Variants in ANK2 observed in about 807,000 individuals in gnomAD.
ANK2 encodes ankyrin 2.
A neutral mutation model predicts 360.5 loss-of-function variants in ANK2; 83 were observed. That is an observed-to-expected ratio of 0.23 (90% CI 0.19 to 0.28). The LOEUF (loss-of-function observed/expected upper bound fraction) is 0.28. Ranked by LOEUF, ANK2 falls within the 10% of genes least tolerant of loss-of-function variation. The pLI is 1.00. For synonymous variants in ANK2, 1,740 were observed against 1,759.5 expected, an observed-to-expected ratio of 0.99 and a Z score of 0.28; for missense variants, 4,201 against 4,795.7, an observed-to-expected ratio of 0.88 and a Z score of 3.66.
chr4:113,290,384 A>G (rs560784234), intron 20 of ANK2, among the ~76,000 whole-genome samples: 23 of 152,146 alleles, frequency 1.5e-4, no homozygotes, highest in Non-Finnish European at 3.1e-4. Context: ...TCATTGCTTT[A>G]AAAATGTAAA....
rs201524019 is a variant in ANK2, at chr4:113,059,126, A to G, written c.84+9314A>G. Among the ~76,000 whole-genome samples the G allele has an allele frequency of 7.9e-5, 12 of 152,240 alleles. No individual in the cohort carries two copies. In the East Asian group the frequency reaches 2.3e-3, roughly 29 times the overall value. Reference sequence around the variant, plus strand: ...TGCCCTCATTGCCAAATCACCTTCCAAAGGCCTCAGCTCCTAAAGCCATTG... The same window carrying G: ...TGCCCTCATTGCCAAATCACCTTCCGAAGGCCTCAGCTCCTAAAGCCATTG... On this transcript the variant is annotated intron_variant, in intron 1 of 45. Transcript: ENST00000357077.
chr4:112,999,349 A>G (rs2049773143), intron 2 of ANK2, among the ~76,000 whole-genome samples: 1 of 152,150 alleles, frequency 6.6e-6, no homozygotes, highest in African/African-American at 2.4e-5. Flanking sequence ...TCTCACAATC[A>G]TTCTGCAGAG....
chr4:112,826,835 T>C, intron 1 of ANK2: 1 of 1,293,956 alleles, frequency 7.7e-7, no homozygotes, highest in South Asian at 1.2e-5. Context: ...TAAAAGAGAA[T>C]GGAACAATAT....
intron 1 of ANK2, among the ~76,000 whole-genome samples, chr4:113,138,998 T>G (rs2096543128): frequency 6.6e-6 from 1 of 152,216 alleles, no homozygotes; most frequent in Non-Finnish European, 1.5e-5. Context: ...TTGAATTTGC[T>G]TAATAGTAAG....
chr4:113,300,345 A>G (rs1432298364), intron 22 of ANK2, among the ~76,000 whole-genome samples: 1 of 151,230 alleles, frequency 6.6e-6, no homozygotes, highest in Non-Finnish European at 1.5e-5. Flanking sequence ...TCTTTTAACT[A>G]AAATTCCACC....
intron 28 of ANK2, among the ~76,000 whole-genome samples, chr4:113,332,600 G>C (rs1485859752): frequency 6.6e-6 from 1 of 152,188 alleles, no homozygotes; most frequent in Non-Finnish European, 1.5e-5. Context: ...TGGCTCTTTA[G>C]TTCACAAGTA....
chr4:112,887,456 C>T (rs2078733611), intron 1 of ANK2, among the ~76,000 whole-genome samples: 1 of 152,158 alleles, frequency 6.6e-6, no homozygotes, highest in Non-Finnish European at 1.5e-5. Context: ...ATGGTACTTT[C>T]AGTTTATGAT....
chr4:113,116,697 A>ACGG (rs1341099888), intron 1 of ANK2, among the ~76,000 whole-genome samples: 85 of 151,964 alleles, frequency 5.6e-4, no homozygotes, highest in African/African-American at 1.8e-3. Flanking sequence ...CAGCAGTAGC[A>ACGG]CGGCAGCAGC....
intron 1 of ANK2, among the ~76,000 whole-genome samples, chr4:113,064,599 T>C (rs1340148308): frequency 6.6e-6 from 1 of 152,200 alleles, no homozygotes; most frequent in East Asian, 1.9e-4. Flanking sequence ...TGTGAAAAAG[T>C]ACCAACCACC....
chr4:113,314,195 T>G (rs892099063), intron 24 of ANK2, among the ~76,000 whole-genome samples: 1 of 152,200 alleles, frequency 6.6e-6, no homozygotes. Context: ...AGCTTACAAA[T>G]TAAAAATGCT....
chr4:112,810,123 G>T, the ANK2 span, among the ~76,000 whole-genome samples: 15,650 of 45,354 alleles, frequency 0.35, 1,389 homozygotes, highest in East Asian at 0.61. Flanking sequence ...TTAATTTTTT[G>T]TGTATATATA....
chr4:113,231,608 A>ATT (rs201095951), intron 4 of ANK2, among the ~76,000 whole-genome samples: 1 of 142,140 alleles, frequency 7.0e-6, no homozygotes, highest in Non-Finnish European at 1.6e-5. Context: ...AGACACTAAG[A>ATT]TTTTTTTTTT....
intron 2 of ANK2, among the ~76,000 whole-genome samples, chr4:112,912,363 C>T (rs1005630361): frequency 6.6e-6 from 1 of 151,980 alleles, no homozygotes; most frequent in African/African-American, 2.4e-5. Flanking sequence ...AACCCTGATA[C>T]CCTGATAAAA....
chr4:113,050,953 T>A (rs1193226224), intron 1 of ANK2, among the ~76,000 whole-genome samples: 1 of 152,124 alleles, frequency 6.6e-6, no homozygotes, highest in Non-Finnish European at 1.5e-5. Context: ...GAGTAGTATA[T>A]TTGTATGGTA....
At chr4:113,140,990 G>C (rs879011470) in intron 1 of ANK2, among the ~76,000 whole-genome samples, 1 of 151,610 alleles carries the variant, frequency 6.6e-6, no homozygotes, top group South Asian at 2.1e-4. Flanking sequence ...AAAAAAAAAA[G>C]CATAAATTAA....
intron 1 of ANK2, among the ~76,000 whole-genome samples, chr4:113,056,118 T>C (rs1448110711): frequency 6.6e-6 from 1 of 152,208 alleles, no homozygotes; most frequent in Non-Finnish European, 1.5e-5. Context: ...ATGTTGGACT[T>C]TGAAAATTCA....
At chr4:113,014,754 G>A (rs1157020728) in intron 2 of ANK2, among the ~76,000 whole-genome samples, 5 of 143,838 alleles carry the variant, frequency 3.5e-5, no homozygotes, top group East Asian at 4.4e-4. Flanking sequence ...ATTTAGTACT[G>A]TTTCAGTCAT....
chr4:113,156,798 T>A (rs899611925), intron 1 of ANK2, among the ~76,000 whole-genome samples: 7 of 150,040 alleles, frequency 4.7e-5, no homozygotes, highest in East Asian at 1.9e-4. Context: ...ATATATATAT[T>A]ATATATATAA....
At position 112,935,002 on chromosome 4, in the gene ANK2, C is replaced by A. The variant is rs554582474; in HGVS notation, c.21+30488C>A. ...GAAAGAATCTTCCATATTTAGGGAA[C>A]AATGGGGGACAAAGTCCTCAGGTGA... is the stretch of plus-strand genomic sequence containing the variant. On this transcript the variant is annotated intron_variant, in intron 2 of 30. Coordinates refer to the ANK2 transcript ENST00000503271. Among the ~76,000 whole-genome samples, 4 of 152,178 alleles carry A rather than the reference C, an allele frequency of 2.6e-5. No homozygotes were observed. The South Asian group carries it at 6.2e-4, about 24-fold the overall frequency.
Sources: gnomAD v4.1 joint callset for allele counts (sites outside exome capture counted in the v4.1 genomes callset) on GRCh38, gnomAD v4.1.1 for gene constraint, MANE v1.5 for transcripts, NCBI Gene and HGNC (gene_info 2026-07-23, HGNC 2026-07-21) for gene names.